ZNF385D: variants seen among roughly 807,000 people sequenced by gnomAD.
ZNF385D encodes the protein zinc finger protein 659.
A neutral mutation model predicts 35.8 loss-of-function variants in ZNF385D; 15 were observed. That is an observed-to-expected ratio of 0.42 (90% CI 0.28 to 0.64). The LOEUF (loss-of-function observed/expected upper bound fraction) is 0.64. ZNF385D is among the 30% of genes least tolerant of loss of function. The probability of loss-of-function intolerance (pLI) is 0.23; values close to 1 mark genes in which losing one functional copy is unlikely to be tolerated. For synonymous variants in ZNF385D, 212 were observed against 186.8 expected (o/e 1.13, Z -1.10); for missense variants, 474 against 494.6 (o/e 0.96, Z 0.39).
chr3:21,962,683 G>A (rs1012352157), intron 3 of ZNF385D, among the ~76,000 whole-genome samples: 3 of 152,160 alleles, frequency 2.0e-5, no homozygotes, highest in Admixed American at 6.5e-5. Flanking sequence ...TAACTGGTGA[G>A]GTGTCCAATT....
At chr3:21,779,102 G>T (rs534989138) in intron 3 of ZNF385D, among the ~76,000 whole-genome samples, 2 of 151,966 alleles carry the variant, frequency 1.3e-5, no homozygotes, top group Non-Finnish European at 2.9e-5. Context: ...ATCAACCACA[G>T]TCAGAGCTGG....
chr3:21,717,783 C>T (rs1229131132), intron 1 of ZNF385D, among the ~76,000 whole-genome samples: 2 of 152,140 alleles, frequency 1.3e-5, no homozygotes, highest in African/African-American at 2.4e-5. Context: ...TGCCTTTCAC[C>T]TTCTGCCATG....
chr3:22,046,622 G>A (rs1699021709), intron 3 of ZNF385D, among the ~76,000 whole-genome samples: 2 of 152,006 alleles, frequency 1.3e-5, no homozygotes, highest in African/African-American at 4.8e-5. Flanking sequence ...ATAAGCAATT[G>A]CAAATATATT....
At chr3:21,475,666 CAAAGTT>C (rs1704191024) in intron 4 of ZNF385D, among the ~76,000 whole-genome samples, 1 of 152,074 alleles carries the variant, frequency 6.6e-6, no homozygotes, top group Non-Finnish European at 1.5e-5. Flanking sequence ...CCATTCTGCT[CAAAGTT>C]AAAGGCACAC....
chr3:21,425,451 G>C lies in ZNF385D; in HGVS notation c.852+41C>G, dbSNP rs768694954. ...GCACACACATCCTGCTTATAAGGCT[G>C]TCCCTTGTTGGTTTTCATTCCTAGA... is the stretch of plus-strand genomic sequence containing the variant. On this transcript the variant is annotated intron_variant, in intron 6 of 7. Transcript: ENST00000281523. 2.0e-6 allele frequency: 3 copies of C among 1,532,422 alleles called. No individual in the cohort carries two copies. In the East Asian group the frequency reaches 7.0e-5, roughly 36 times the overall value. The allele number at this position is 1,532,422 out of a possible 1,614,324, so 94.9% of individuals were successfully genotyped here.
At chr3:22,161,882 G>T (rs553088472) in intron 3 of ZNF385D, among the ~76,000 whole-genome samples, 2 of 152,254 alleles carry the variant, frequency 1.3e-5, no homozygotes, top group Admixed American at 6.5e-5. Context: ...ATATAAGTTT[G>T]CCAGGGAGAT....
intron 3 of ZNF385D, among the ~76,000 whole-genome samples, chr3:21,995,799 T>C (rs1267080440): frequency 6.6e-6 from 1 of 151,696 alleles, no homozygotes; most frequent in Admixed American, 6.6e-5. Flanking sequence ...CTACTGCTAG[T>C]TGGTAGGGAG....
chr3:22,293,742 A>G (rs997693711), intron 2 of ZNF385D, among the ~76,000 whole-genome samples: 4 of 152,128 alleles, frequency 2.6e-5, no homozygotes, highest in African/African-American at 7.2e-5. Context: ...AGCAGAATCA[A>G]CTTCAGCATC....
At chr3:21,486,015 C>A (rs990635792) in intron 4 of ZNF385D, among the ~76,000 whole-genome samples, 1 of 144,222 alleles carries the variant, frequency 6.9e-6, no homozygotes, top group Non-Finnish European at 1.5e-5. Flanking sequence ...TCCTTGATAG[C>A]AATGAATTAT....
intron 3 of ZNF385D, among the ~76,000 whole-genome samples, chr3:21,877,213 G>A (rs1359345859): frequency 1.3e-5 from 2 of 152,024 alleles, no homozygotes; most frequent in Admixed American, 6.6e-5. Flanking sequence ...GCATAGGAAT[G>A]GGCATTTTCA....
intron 2 of ZNF385D, among the ~76,000 whole-genome samples, chr3:22,215,072 C>T (rs577325218): frequency 2.5e-4 from 38 of 152,004 alleles, no homozygotes; most frequent in South Asian, 1.2e-3. Context: ...TTTCTCAGAC[C>T]GGCTGACACT....
intron 4 of ZNF385D, among the ~76,000 whole-genome samples, chr3:21,462,977 C>G (rs1279868123): frequency 1.3e-5 from 2 of 151,946 alleles, no homozygotes. Flanking sequence ...AGTGAAAACT[C>G]TATCTCAAAA....
chr3:22,077,165 T>C (rs1360882852), intron 3 of ZNF385D, among the ~76,000 whole-genome samples: 1 of 151,958 alleles, frequency 6.6e-6, no homozygotes. Context: ...ATTGCTATAG[T>C]TCAGTATTGA....
chr3:21,682,587 C>CT (rs1305717479), intron 1 of ZNF385D, among the ~76,000 whole-genome samples: 2 of 149,930 alleles, frequency 1.3e-5, no homozygotes, highest in Non-Finnish European at 3.0e-5. Context: ...AAGGGTTAAT[C>CT]TTTTTTAGGG....
At chr3:21,829,703 C>T (rs1694867186) in intron 3 of ZNF385D, among the ~76,000 whole-genome samples, 2 of 152,050 alleles carry the variant, frequency 1.3e-5, no homozygotes, top group South Asian at 4.2e-4. Context: ...TTAATGGTGT[C>T]ATGAATTAGG....
chr3:22,117,209 C>G (rs145640329), intron 3 of ZNF385D, among the ~76,000 whole-genome samples: 173 of 152,022 alleles, frequency 1.1e-3, no homozygotes, highest in African/African-American at 4.0e-3. Flanking sequence ...TAAATTATTA[C>G]AAGTAGAAGT....
chr3:21,628,574 C>T (rs944232731), intron 2 of ZNF385D, among the ~76,000 whole-genome samples: 1 of 151,930 alleles, frequency 6.6e-6, no homozygotes, highest in Non-Finnish European at 1.5e-5. Flanking sequence ...TGATTTACTC[C>T]CTGCCTAAAA....
intron 3 of ZNF385D, among the ~76,000 whole-genome samples, chr3:21,918,418 A>G (rs548424043): frequency 6.6e-6 from 1 of 151,216 alleles, no homozygotes; most frequent in South Asian, 2.1e-4. Flanking sequence ...TAGAGCAAGT[A>G]AAAGTAGGGA....
intron 2 of ZNF385D, among the ~76,000 whole-genome samples, chr3:22,336,208 T>C (rs1052085051): frequency 6.6e-6 from 1 of 152,074 alleles, no homozygotes; most frequent in Non-Finnish European, 1.5e-5. Context: ...TAAAATAAAT[T>C]CCAGAAATTT....
Sources: gnomAD v4.1 joint callset for allele counts (sites outside exome capture counted in the v4.1 genomes callset) on GRCh38, gnomAD v4.1.1 for gene constraint, MANE v1.5 for transcripts, NCBI Gene and HGNC (gene_info 2026-07-23, HGNC 2026-07-21) for gene names.